Variants in MYO5B observed in about 807,000 individuals in gnomAD.
MYO5B encodes the protein myosin VB.
In MYO5B, 143 loss-of-function variants were observed where a neutral mutation model predicts 229.3. The ratio of observed to expected loss-of-function variants is 0.62; its 90% CI spans 0.54 to 0.72. The LOEUF (loss-of-function observed/expected upper bound fraction) is 0.72, where lower values mean the gene tolerates loss of function less well. Among genes scored for constraint, MYO5B ranks in the 30% least tolerant of loss-of-function variants. The probability of loss-of-function intolerance (pLI) is 0.00; values close to 1 mark genes in which losing one functional copy is unlikely to be tolerated. For missense variants in MYO5B, 2,321 were observed against 2,331.0 expected (o/e 1.00, Z 0.09); for synonymous variants, 918 against 885.2 (o/e 1.04, Z -0.66).
chr18:50,091,926 A>T (rs1186521992), intron 1 of MYO5B, among the ~76,000 whole-genome samples: 1 of 152,230 alleles, frequency 6.6e-6, no homozygotes, highest in East Asian at 1.9e-4. Flanking sequence ...CCATCCTCAA[A>T]AGTTTGTGAG....
At chr18:49,899,330 T>A (rs1380084593) in intron 21 of MYO5B, among the ~76,000 whole-genome samples, 1 of 152,178 alleles carries the variant, frequency 6.6e-6, no homozygotes, top group Non-Finnish European at 1.5e-5. Context: ...TATATAGAGC[T>A]CTAATGGAGA....
chr18:49,830,882 C>T (rs1442478694), intron 39 of MYO5B, among the ~76,000 whole-genome samples: 1 of 150,420 alleles, frequency 6.6e-6, no homozygotes, highest in Non-Finnish European at 1.5e-5. Flanking sequence ...CTCACACTTC[C>T]CATTTGAAAA....
In MYO5B at chr18:49,984,602, G is replaced by A. The variant is rs899233195; in HGVS notation, c.946+116C>T. 2.0e-5 allele frequency: 16 copies of A among 795,450 alleles called. No individual in the cohort carries two copies. The African/African-American group carries it at 2.7e-4, about 13-fold the overall frequency. 49.3% of individuals were successfully genotyped at this position (795,450 alleles called of 1,614,324 possible). A position where few individuals can be genotyped will look rare whatever the true frequency, so the allele number is the denominator to read the frequency against. ...GATGACATTCACCAGGGGCAAGAGG[G>A]CATCTCCCATTAGCTCCTGCAGGTT... On this transcript the variant is annotated intron_variant, in intron 8 of 39. Transcript: ENST00000285039.
intron 1 of MYO5B, among the ~76,000 whole-genome samples, chr18:50,121,157 T>C (rs565414824): frequency 6.6e-6 from 1 of 152,278 alleles, no homozygotes; most frequent in South Asian, 2.1e-4. Context: ...AGAAGTCTCT[T>C]TCCTTCCCTC....
At chr18:50,059,827 T>C (rs1463867995) in intron 1 of MYO5B, among the ~76,000 whole-genome samples, 1 of 152,228 alleles carries the variant, frequency 6.6e-6, no homozygotes. Context: ...TTATAGATCT[T>C]CCAAGGGTAA....
intron 14 of MYO5B, chr18:49,946,117 TA>T (rs57216254): frequency 0.35 from 52,320 of 150,184 alleles, 9,525 homozygotes; most frequent in East Asian, 0.67. Context: ...GCTTTTACTG[TA>T]AAAAAAAAAA....
At chr18:50,089,669 GAT>G (rs1391876159) in intron 1 of MYO5B, among the ~76,000 whole-genome samples, 1 of 152,068 alleles carries the variant, frequency 6.6e-6, no homozygotes, top group Non-Finnish European at 1.5e-5. Context: ...ATTTTAGGCA[GAT>G]GGAAAGGAAA....
At chr18:50,124,778 G>A (rs1228299903) in intron 1 of MYO5B, among the ~76,000 whole-genome samples, 3 of 151,132 alleles carry the variant, frequency 2.0e-5, no homozygotes, top group Non-Finnish European at 4.4e-5. Context: ...CACCCCGCTT[G>A]ATCATTTTGA....
At chr18:50,001,470 G>C (rs777023661) in intron 4 of MYO5B, 59 bp from the exon 5 acceptor site, 14 of 1,597,068 alleles carry the variant, frequency 8.8e-6, no homozygotes, top group Non-Finnish European at 1.2e-5. Flanking sequence ...CTACCGTCCA[G>C]GGACTCTGTC....
Position 49,826,585 on chromosome 18 carries a change from T to G in MYO5B, c.5433A>C (p.Leu1811=), listed in dbSNP as rs78657366. The G allele has an allele frequency of 0.014, 22,458 of 1,613,866 alleles. 986 individuals carry two copies. The highest frequency in any genetic ancestry group is 0.12 in the South Asian group (10,957 of 91,068). ...LQERNDPQQL[L]LDAKHMFPVL... ...CAGGAAACATGTGCTTGGCATCTAA[T>G]AGCAGTTGCTGAGGGTCATTCCGCT... The change falls in exon 40 of 40, where the codon CTA becomes CTC. Residue 1811 remains leucine (L), a synonymous_variant. Coordinates refer to ENST00000285039, the MANE Select transcript of MYO5B (RefSeq NM_001080467.3).
chr18:50,106,129 C>A (rs2031755707), intron 1 of MYO5B, among the ~76,000 whole-genome samples: 1 of 152,116 alleles, frequency 6.6e-6, no homozygotes, highest in Non-Finnish European at 1.5e-5. Flanking sequence ...GCACCCTGGA[C>A]ATTGTCTTCA....
chr18:50,108,244 C>G (rs2031797862), intron 1 of MYO5B, among the ~76,000 whole-genome samples: 1 of 152,200 alleles, frequency 6.6e-6, no homozygotes, highest in Non-Finnish European at 1.5e-5. Flanking sequence ...CTTTGCTTCT[C>G]TTATAATTTA....
At chr18:49,938,717 A>G (rs1313520689) in intron 14 of MYO5B, among the ~76,000 whole-genome samples, 2 of 151,628 alleles carry the variant, frequency 1.3e-5, no homozygotes, top group Admixed American at 6.6e-5. Flanking sequence ...AAACCATCCA[A>G]CTGGTCACGT....
intron 1 of MYO5B, among the ~76,000 whole-genome samples, chr18:50,114,252 C>T (rs1021120110): frequency 2.8e-4 from 42 of 152,042 alleles, no homozygotes; most frequent in African/African-American, 8.9e-4. Flanking sequence ...TTTAAACTGC[C>T]GTGCTGTTAT....
At chr18:50,075,695 A>G (rs1418247466) in intron 1 of MYO5B, among the ~76,000 whole-genome samples, 1 of 152,222 alleles carries the variant, frequency 6.6e-6, no homozygotes, top group African/African-American at 2.4e-5. Flanking sequence ...GGATGCCAAA[A>G]GGGGAAAGAA....
intron 21 of MYO5B, 24 bp from the exon 22 acceptor site, chr18:49,895,198 G>A: frequency 1.3e-6 from 2 of 1,580,784 alleles, no homozygotes; most frequent in Non-Finnish European, 1.7e-6. Flanking sequence ...CAGCAAACAA[G>A]GAGAAGGGAG....
chr18:49,892,314 G>T (rs2024724840), intron 22 of MYO5B, among the ~76,000 whole-genome samples: 1 of 152,204 alleles, frequency 6.6e-6, no homozygotes, highest in African/African-American at 2.4e-5. Flanking sequence ...CGACAGAGCT[G>T]CTCTGGACTC....
intron 24 of MYO5B, among the ~76,000 whole-genome samples, chr18:49,878,314 C>CT (rs780801585): frequency 3.1e-4 from 47 of 152,108 alleles, no homozygotes; most frequent in Middle Eastern, 3.4e-3. Flanking sequence ...ACCATTTATA[C>CT]TGTTCATTTA....
intron 1 of MYO5B, among the ~76,000 whole-genome samples, chr18:50,100,000 C>G (rs892351514): frequency 6.6e-6 from 1 of 152,198 alleles, no homozygotes; most frequent in Non-Finnish European, 1.5e-5. Context: ...AAGCAACCTT[C>G]AGAGATTTAC....
Sources: gnomAD v4.1 joint callset for allele counts (sites outside exome capture counted in the v4.1 genomes callset) on GRCh38, gnomAD v4.1.1 for gene constraint, MANE v1.5 for transcripts, NCBI Gene and HGNC (gene_info 2026-07-23, HGNC 2026-07-21) for gene names.